FAM167A: variants seen among roughly 807,000 people sequenced by gnomAD.
FAM167A encodes family with sequence similarity 167 member A.
Under a neutral mutation model 14.9 loss-of-function variants are expected in FAM167A, and 23 were observed. The ratio of observed to expected loss-of-function variants is 1.55; its 90% confidence interval spans 1.11 to 2.19. The LOEUF is 2.19. Among genes scored for constraint, FAM167A ranks in the 30% most tolerant of loss-of-function variants. The probability of loss-of-function intolerance (pLI) is 0.00; values close to 1 mark genes in which losing one functional copy is unlikely to be tolerated. For synonymous variants in FAM167A, 174 were observed against 117.7 expected (o/e 1.48, Z -3.10); for missense variants, 401 against 281.5 (o/e 1.42, Z -3.04).
chr8:11,445,207 G>C (rs1407144387), intron 1 of FAM167A: 2 of 985,044 alleles, frequency 2.0e-6, no homozygotes, highest in Admixed American at 1.2e-4. Context: ...TGAGGCCACA[G>C]GTCTTTCCTC....
rs142415821 is a variant in FAM167A, at chr8:11,439,311, C to T, written c.381+4720G>A. ...CCTGGCTGTATCGCCCACTTCCCGT[C>T]GGAAGACACTGGTGAGTATGACCTG... On this transcript the variant is annotated intron_variant, in intron 2 of 2. Transcript: ENST00000284486. Among the ~76,000 whole-genome samples, 100 of 152,358 alleles carry T rather than the reference C, an allele frequency of 6.6e-4. 1 individual carries two copies. The highest frequency in any genetic ancestry group is 2.2e-3 in the African/African-American group (91 of 41,584).
rs543800411 is a variant in FAM167A at position 11,441,738 on chromosome 8, C to T, written c.381+2293G>A. Among the ~76,000 whole-genome samples, 10 of 152,322 alleles carry T rather than the reference C, an allele frequency of 6.6e-5. No homozygotes were observed. In the South Asian group the frequency reaches 2.1e-3, roughly 32 times the overall value. ...AATTTATCCATCCATGAAATGGACA[C>T]AGTGAGGGCAATCATGTAGTCTTGT... On this transcript the variant is annotated intron_variant, in intron 2 of 2. Coordinates refer to ENST00000284486, the MANE Select transcript of FAM167A (RefSeq NM_053279.3).
At chr8:11,433,390 G>C (rs1048196355) in intron 2 of FAM167A, among the ~76,000 whole-genome samples, 1 of 152,014 alleles carries the variant, frequency 6.6e-6, no homozygotes, top group Non-Finnish European at 1.5e-5. Flanking sequence ...CCTATTAATA[G>C]TTTGTCTTTT....
chr8:11,463,938 T>C (rs1244748886), intron 1 of FAM167A, among the ~76,000 whole-genome samples: 1 of 152,150 alleles, frequency 6.6e-6, no homozygotes. Context: ...AGCTACTATG[T>C]GCTTGCTAAG....
chr8:11,454,110 C>A (rs953487456), intron 1 of FAM167A, among the ~76,000 whole-genome samples: 2 of 152,244 alleles, frequency 1.3e-5, no homozygotes, highest in African/African-American at 4.8e-5. Flanking sequence ...GCAGGATCCT[C>A]AGCAGGGCAG....
Position 11,455,892 on chromosome 8 carries a change from A to AGTGTGAGTGTGAGTGT in FAM167A, c.-398+10733_-398+10734insACACTCACACTCACAC, listed in dbSNP as rs1491189537. The stretch of plus-strand genomic sequence containing the variant: ...TGTGAGTGTGGGGTGGTTGCCTTGC[A>AGTGTGAGTGTGAGTGT]GAGTGTGAGTGTGAGTGTGAGGGGT... On this transcript the variant is annotated intron_variant, in intron 1 of 2. Coordinates refer to ENST00000284486, the MANE Select transcript of FAM167A (RefSeq NM_053279.3). 3.8e-3 allele frequency among the ~76,000 whole-genome samples: 488 copies of AGTGTGAGTGTGAGTGT among 127,200 alleles called. 7 individuals are homozygous for AGTGTGAGTGTGAGTGT. The highest frequency in any genetic ancestry group is 0.014 in the African/African-American group (457 of 31,768). 83.4% of individuals were successfully genotyped at this position (127,200 alleles called of 152,430 possible). A position where few individuals can be genotyped will look rare whatever the true frequency, so the allele number is the denominator to read the frequency against.
chr8:11,462,117 A>C (rs1807564143), intron 1 of FAM167A, among the ~76,000 whole-genome samples: 1 of 152,216 alleles, frequency 6.6e-6, no homozygotes, highest in Non-Finnish European at 1.5e-5. Flanking sequence ...GGGATGTGTG[A>C]CTTTGCTTCC....
chr8:11,473,163 G>A (rs1331120068), intron 1 of FAM167A, among the ~76,000 whole-genome samples: 1 of 152,178 alleles, frequency 6.6e-6, no homozygotes, highest in Admixed American at 6.5e-5. Context: ...CAACTCAATA[G>A]CCCACGGCAA....
intron 2 of FAM167A, among the ~76,000 whole-genome samples, chr8:11,441,331 C>A (rs1455960891): frequency 1.3e-5 from 2 of 152,174 alleles, no homozygotes; most frequent in African/African-American, 4.8e-5. Context: ...TCCCTGATAC[C>A]CTAAGTGTGG....
intron 1 of FAM167A, among the ~76,000 whole-genome samples, chr8:11,473,246 G>A (rs1367500976): frequency 1.3e-5 from 2 of 152,218 alleles, no homozygotes; most frequent in African/African-American, 4.8e-5. Flanking sequence ...GATACCTTGA[G>A]AAACCAAGGT....
At chr8:11,451,103 G>C (rs1010829283) in intron 1 of FAM167A, among the ~76,000 whole-genome samples, 5 of 152,252 alleles carry the variant, frequency 3.3e-5, no homozygotes, top group African/African-American at 1.2e-4. Context: ...CCCATCCCTG[G>C]GGTTTCCTTT....
At chr8:11,431,057 G>T (rs1196286738) in intron 2 of FAM167A, among the ~76,000 whole-genome samples, 1 of 152,120 alleles carries the variant, frequency 6.6e-6, no homozygotes, top group Non-Finnish European at 1.5e-5. Context: ...GCCACTCCAG[G>T]TACACACCCC....
intron 2 of FAM167A, among the ~76,000 whole-genome samples, chr8:11,428,074 G>A (rs1413861200): frequency 6.6e-6 from 1 of 152,056 alleles, no homozygotes; most frequent in African/African-American, 2.4e-5. Flanking sequence ...GGAGTGTTCT[G>A]TAATTTGACA....
intron 2 of FAM167A, among the ~76,000 whole-genome samples, chr8:11,432,168 C>A (rs1404130073): frequency 6.6e-6 from 1 of 152,164 alleles, no homozygotes; most frequent in Non-Finnish European, 1.5e-5. Context: ...CCAATGAGAT[C>A]TGCTCCAATA....
At chr8:11,463,364 G>A (rs754872121) in intron 1 of FAM167A, among the ~76,000 whole-genome samples, 1 of 152,204 alleles carries the variant, frequency 6.6e-6, no homozygotes, top group Non-Finnish European at 1.5e-5. Context: ...CAACTTGATG[G>A]TGGACAGTGG....
At chr8:11,439,998 C>T (rs768525460) in intron 2 of FAM167A, among the ~76,000 whole-genome samples, 2 of 152,320 alleles carry the variant, frequency 1.3e-5, no homozygotes, top group East Asian at 3.9e-4. Context: ...CCAGATCATG[C>T]TCTTCCTAGC....
At chr8:11,454,030 T>G (rs1239545229) in intron 1 of FAM167A, among the ~76,000 whole-genome samples, 2 of 152,236 alleles carry the variant, frequency 1.3e-5, no homozygotes, top group Non-Finnish European at 2.9e-5. Flanking sequence ...GCTTTCCATC[T>G]GCAGGTATAA....
At chr8:11,465,855 G>A (rs1165380654) in intron 1 of FAM167A, among the ~76,000 whole-genome samples, 1 of 152,198 alleles carries the variant, frequency 6.6e-6, no homozygotes, top group Non-Finnish European at 1.5e-5. Context: ...CAGGCATACG[G>A]CAGTGGCCAG....
chr8:11,427,429 CCT>C (rs1420009469), intron 2 of FAM167A, among the ~76,000 whole-genome samples: 7 of 152,226 alleles, frequency 4.6e-5, no homozygotes, highest in African/African-American at 1.7e-4. Context: ...CTCACTATTT[CCT>C]CTGTCTCCAC....
Sources: gnomAD v4.1 joint callset for allele counts (sites outside exome capture counted in the v4.1 genomes callset) on GRCh38, gnomAD v4.1.1 for gene constraint, MANE v1.5 for transcripts, NCBI Gene and HGNC (gene_info 2026-07-23, HGNC 2026-07-21) for gene names.